The following CSNK1D variants were observed in gnomAD, a reference collection of about 807,000 sequenced individuals.
CSNK1D encodes the protein casein kinase 1 delta, also known as casein kinase I isoform delta.
A neutral mutation model predicts 46.6 loss-of-function variants in CSNK1D; 16 were observed. That is an observed-to-expected ratio of 0.34 (90% CI 0.23 to 0.52). The LOEUF is 0.52. CSNK1D is among the 20% of genes least tolerant of loss of function. The probability of loss-of-function intolerance (pLI) is 0.95; values close to 1 mark genes in which losing one functional copy is unlikely to be tolerated. For synonymous variants in CSNK1D, 276 were observed against 228.2 expected (o/e 1.21, Z -1.89); for missense variants, 398 against 578.4 (o/e 0.69, Z 3.20).
chr17:82,268,426 A>G (rs146529082), intron 1 of CSNK1D, among the ~76,000 whole-genome samples: 36 of 152,360 alleles, frequency 2.4e-4, no homozygotes, highest in African/African-American at 7.7e-4. Context: ...CTGTGGCTGC[A>G]ATCTGGCATC....
chr17:82,243,856 G>T lies in CSNK1D; in HGVS notation c.*925C>A. Reference sequence around the variant, plus strand: ...TCTCGGTTCACAGTCCTCTCCCAAGGGACCAGAAACGCATCTTCCACCTTG... The same window carrying T: ...TCTCGGTTCACAGTCCTCTCCCAAGTGACCAGAAACGCATCTTCCACCTTG... On this transcript the variant is annotated 3_prime_UTR_variant, in exon 9 of 9. Coordinates refer to ENST00000314028, the MANE Select transcript of CSNK1D (RefSeq NM_001893.6). 1.0e-6 allele frequency: 1 copy of T among 985,644 alleles called. No individual in the cohort carries two copies. The highest frequency in any genetic ancestry group is 1.2e-6 in the Non-Finnish European group (1 of 830,080). 61.1% of individuals were successfully genotyped at this position (985,644 alleles called of 1,614,324 possible).
rs1047300144 is a variant in CSNK1D at position 82,251,863 on chromosome 17, G to A, written c.737-336C>T. ...AAAAAAAGTTCTAGAGCGTGGTGGC[G>A]GGCGCCTGTAGTCCCAGCTACCGGG... is the stretch of plus-strand genomic sequence containing the variant. On this transcript the variant is annotated intron_variant, in intron 5 of 8. Transcript: ENST00000314028. This position sits in a 1 kb window ranked among gnomAD's most constrained non-coding sequence, Gnocchi z 4.5. The A allele has an allele frequency of 8.5e-5, 30 of 353,894 alleles. No individual in the cohort carries two copies. The highest frequency in any genetic ancestry group is 4.3e-4 in the African/African-American group (20 of 46,936). 21.9% of individuals were successfully genotyped at this position (353,894 alleles called of 1,614,324 possible). A position where few individuals can be genotyped will look rare whatever the true frequency, so the allele number is the denominator to read the frequency against.
At position 82,252,345 on chromosome 17, in the gene CSNK1D, C is replaced by CG; in HGVS notation, c.736+88_736+89insC. The CG allele has an allele frequency of 6.6e-7, 1 of 1,512,146 alleles. No individual in the cohort carries two copies. Among genetic ancestry groups the CG allele is most frequent in the Non-Finnish European group, 9.2e-7 (1 of 1,089,266 alleles). 93.7% of individuals were successfully genotyped at this position (1,512,146 alleles called of 1,614,324 possible). A position where few individuals can be genotyped will look rare whatever the true frequency, so the allele number is the denominator to read the frequency against. Reference sequence around the variant, plus strand: ...TTTGGAAGGTGAGCAACTCTTCTGACAAAACCCAGACTGAGCCGTCTCGGC... The same window carrying CG: ...TTTGGAAGGTGAGCAACTCTTCTGACGAAAACCCAGACTGAGCCGTCTCGGC... On this transcript the variant is annotated intron_variant, in intron 5 of 8. Transcript: ENST00000314028. This position sits in a 1 kb window ranked among gnomAD's most constrained non-coding sequence, Gnocchi z 4.6.
chr17:82,265,756 A>G lies in CSNK1D; in HGVS notation c.117T>C (p.Leu39=). The change falls in exon 2 of 9, where the codon CTT becomes CTC. Residue 39 remains leucine (L), a synonymous_variant. Coordinates refer to ENST00000314028, the MANE Select transcript of CSNK1D (RefSeq NM_001893.6). Reference sequence around the variant, plus strand: ...GAGGGTGTTTGGTTTTGACACATTCAAGCTTGATGGCAACCTCTTCTCCTG... The same window carrying G: ...GAGGGTGTTTGGTTTTGACACATTCGAGCTTGATGGCAACCTCTTCTCCTG... ...IAAGEEVAIK[L]ECVKTKHPQL... The G allele has an allele frequency of 1.9e-6, 3 of 1,614,158 alleles. No individual in the cohort carries two copies. The highest frequency in any genetic ancestry group is 2.5e-6 in the Non-Finnish European group (3 of 1,180,010).
chr17:82,239,035 A>G (rs1439199887), downstream of CSNK1D: 32 of 1,466,246 alleles, frequency 2.2e-5, 1 homozygote, highest in Non-Finnish European at 5.4e-6. Context: ...AACGCTTGCT[A>G]TTTATTTTAC....
At chr17:82,270,587 T>C (rs1241827317) in intron 1 of CSNK1D, among the ~76,000 whole-genome samples, 1 of 152,160 alleles carries the variant, frequency 6.6e-6, no homozygotes, top group African/African-American at 2.4e-5. Flanking sequence ...GACCGATCCA[T>C]CTCATAGTCT....
At chr17:82,271,057 A>G (rs1269544267) in intron 1 of CSNK1D, among the ~76,000 whole-genome samples, 1 of 152,210 alleles carries the variant, frequency 6.6e-6, no homozygotes, top group East Asian at 1.9e-4. Context: ...ATCAGAGAAC[A>G]GATAGTTTCA....
Position 82,265,778 on chromosome 17 carries a change from C to G in CSNK1D, c.95G>C (p.Gly32Ala). 6.2e-7 allele frequency: 1 copy of G among 1,614,104 alleles called. No individual in the cohort carries two copies. Reference sequence around the variant, plus strand: ...TTCAAGCTTGATGGCAACCTCTTCTCCTGCAGCAATGTCCGTACCTTGGCA... The same window carrying G: ...TTCAAGCTTGATGGCAACCTCTTCTGCTGCAGCAATGTCCGTACCTTGGCA... Reference protein sequence around the residue: ...DIYLGTDIAAGEEVAIKLECV... With the variant: ...DIYLGTDIAAAEEVAIKLECV... Residue 32 changes from glycine to alanine, a missense_variant, in exon 2 of 9, where the codon GGA (glycine) becomes GCA (alanine). By Grantham distance (60) the Gly-to-Ala change is moderately conservative. Around this residue, in one of 2 missense-constraint regions of CSNK1D, gnomAD observed 217 missense variants for 370.3 expected, o/e 0.59. Transcript: ENST00000314028.
chr17:82,248,694 G>A lies in CSNK1D; in HGVS notation c.1197+181C>T. 7.0e-7 allele frequency: 1 copy of A among 1,432,848 alleles called. No individual in the cohort carries two copies. Among genetic ancestry groups the A allele is most frequent in the Non-Finnish European group, 9.1e-7 (1 of 1,094,312 alleles). The allele number at this position is 1,432,848 out of a possible 1,614,324, so 88.8% of individuals were successfully genotyped here. On this transcript the variant is annotated intron_variant, in intron 8 of 8. Transcript: ENST00000314028. This position sits in a 1 kb window ranked among gnomAD's most constrained non-coding sequence, Gnocchi z 4.1. Reference sequence around the variant, plus strand: ...GACAAGCCCCATGACGGCCCAGCATGTCTCCCAGGCCCTCCCGAGAAGCCT... The same window carrying A: ...GACAAGCCCCATGACGGCCCAGCATATCTCCCAGGCCCTCCCGAGAAGCCT...
In CSNK1D at chr17:82,254,914, C is replaced by A. The variant is rs9747926; in HGVS notation, c.336+515G>T. Among the ~76,000 whole-genome samples, 3 of 92,622 alleles carry A rather than the reference C, an allele frequency of 3.2e-5. No individual in the cohort carries two copies. In the East Asian group the frequency reaches 1.2e-3, roughly 37 times the overall value. 60.8% of individuals were successfully genotyped at this position (92,622 alleles called of 152,430 possible). On this transcript the variant is annotated intron_variant, in intron 3 of 8. Transcript: ENST00000314028. ...CAGTCAGCTGAGCCGCCGGGGCCTCCAGAAGCCAGTGAGCTGAGCCATCGG... is the reference window on the plus strand; with the variant it reads ...CAGTCAGCTGAGCCGCCGGGGCCTCAAGAAGCCAGTGAGCTGAGCCATCGG...
In CSNK1D at chr17:82,248,314, CGGT is replaced by C. The variant is rs2050902794; in HGVS notation, c.1197+558_1197+560del. The C allele has an allele frequency of 1.0e-6, 1 of 989,562 alleles. No individual in the cohort carries two copies. Among genetic ancestry groups the C allele is most frequent in the South Asian group, 4.5e-5 (1 of 21,988 alleles). The allele number at this position is 989,562 out of a possible 1,614,324, so 61.3% of individuals were successfully genotyped here. ...AGACCGCTGCAGGATGCTGAAGAGG[CGGT>C]GGCCGTGGCTAGGCCTGGGCTGCGC... On this transcript the variant is annotated intron_variant, in intron 8 of 8. Coordinates refer to ENST00000314028, the MANE Select transcript of CSNK1D (RefSeq NM_001893.6). This position sits in a 1 kb window ranked among gnomAD's most constrained non-coding sequence, Gnocchi z 4.1.
At chr17:82,266,038 C>G in intron 1 of CSNK1D, among the ~76,000 whole-genome samples, 1 of 152,200 alleles carries the variant, frequency 6.6e-6, no homozygotes, top group East Asian at 1.9e-4. Flanking sequence ...GCTTCCATCA[C>G]CCGCCCACCA....
Position 82,249,048 on chromosome 17 carries a change from C to A in CSNK1D, c.1058-34G>T, listed in dbSNP as rs1001226605. On this transcript the variant is annotated intron_variant, in intron 7 of 8. Coordinates refer to ENST00000314028, the MANE Select transcript of CSNK1D (RefSeq NM_001893.6). The surrounding 1 kb of genome is among the most constrained non-coding windows in gnomAD (Gnocchi z 6.7). ...AGGGAGAGAAACGGAGTGGGCCGCCCCCGTCTGCTGCCTCTCACTCGGGGC... is the reference window on the plus strand; with the variant it reads ...AGGGAGAGAAACGGAGTGGGCCGCCACCGTCTGCTGCCTCTCACTCGGGGC... The A allele has an allele frequency of 2.6e-6, 4 of 1,546,270 alleles. No homozygotes were observed. In the Admixed American group the frequency reaches 5.9e-5, roughly 23 times the overall value.
Position 82,244,617 on chromosome 17 carries a change from C to T in CSNK1D, c.*164G>A, listed in dbSNP as rs2050802955. On this transcript the variant is annotated 3_prime_UTR_variant, in exon 9 of 9. Transcript: ENST00000314028. ...GCGGTGGCAGCTCTTGGAGTCTGTC[C>T]GTTTAGTATGTTTCCCCCACGAGCG... 5.9e-6 allele frequency: 9 copies of T among 1,530,702 alleles called. No individual in the cohort carries two copies. The highest frequency in any genetic ancestry group is 1.2e-5 in the South Asian group (1 of 83,232). The allele number at this position is 1,530,702 out of a possible 1,614,324, so 94.8% of individuals were successfully genotyped here.
chr17:82,244,574 G>A lies in CSNK1D; in HGVS notation c.*207C>T, dbSNP rs903974306. 4.0e-6 allele frequency: 6 copies of A among 1,494,538 alleles called. No individual in the cohort carries two copies. In the South Asian group the frequency reaches 5.1e-5, roughly 13 times the overall value. 92.6% of individuals were successfully genotyped at this position (1,494,538 alleles called of 1,614,324 possible). On this transcript the variant is annotated 3_prime_UTR_variant, in exon 9 of 9. Transcript: ENST00000314028. ...CCGTTACAACCGAGTTCACGTGGGG[G>A]GCCGCAGTGCAGCCCCAGCGGTGGC... is the stretch of plus-strand genomic sequence containing the variant.
rs759074496 is a variant in CSNK1D, at chr17:82,244,356, GAC to G, written c.*423_*424del. On this transcript the variant is annotated 3_prime_UTR_variant, in exon 9 of 9. Transcript: ENST00000314028. ...AAAAACAGACAAGAAACAATAAAAA[GAC>G]AGATTTTCTTTACACAGATTTAAGC... is the stretch of plus-strand genomic sequence containing the variant. 340 of 1,100,970 alleles carry G rather than the reference GAC, an allele frequency of 3.1e-4. 1 individual carries two copies. In the Middle Eastern group the frequency reaches 6.1e-3, roughly 20 times the overall value. 68.2% of individuals were successfully genotyped at this position (1,100,970 alleles called of 1,614,324 possible). A position where few individuals can be genotyped will look rare whatever the true frequency, so the allele number is the denominator to read the frequency against.
At chr17:82,247,164 T>C (rs957346463) in intron 8 of CSNK1D, 2 of 985,370 alleles carry the variant, frequency 2.0e-6, no homozygotes, top group African/African-American at 1.7e-5. Flanking sequence ...CAGCTCTCTC[T>C]GGAGACTCCT....
In CSNK1D at chr17:82,253,233, G is replaced by C; in HGVS notation, c.348C>G (p.Ile116Met). The change falls in exon 4 of 9, where the codon ATC (isoleucine) becomes ATG (methionine). Residue 116 changes from isoleucine to methionine, a missense_variant. Ile to Met is a conservative substitution (Grantham distance 10). Transcript: ENST00000314028. ...TGAAGTTCTTTGAATGAATGTATTC[G>C]ATGCGACTGATCTGTGAGCAGAGCA... ...LLLADQMISR[I>M]EYIHSKNFIH... The C allele has an allele frequency of 6.2e-7, 1 of 1,613,868 alleles. No homozygotes were observed.
At chr17:82,256,246 C>T (rs964868379) in intron 2 of CSNK1D, among the ~76,000 whole-genome samples, 3 of 152,210 alleles carry the variant, frequency 2.0e-5, no homozygotes, top group African/African-American at 7.2e-5. Context: ...TGCAGTGGCT[C>T]ATGCCTGTAA....
Sources: allele counts gnomAD v4.1 joint callset (sites outside exome capture counted in the v4.1 genomes callset), GRCh38; gene constraint gnomAD v4.1.1; regional missense constraint gnomAD v4.1.1; non-coding constraint Gnocchi (gnomAD v3.1); transcripts MANE v1.5; gene names NCBI Gene and HGNC (gene_info 2026-07-23, HGNC 2026-07-21).